C1orf50: variants seen among roughly 807,000 people sequenced by gnomAD.
C1orf50 encodes uncharacterized protein C1orf50.
A neutral mutation model predicts 23.3 loss-of-function variants in C1orf50; 22 were observed. That is an observed-to-expected ratio of 0.94 (90% confidence interval 0.67 to 1.35). The LOEUF (loss-of-function observed/expected upper bound fraction) is 1.35. C1orf50 is among the 40% of genes most tolerant of loss of function. The pLI is 0.00. For missense variants in C1orf50, 271 were observed against 249.4 expected, an observed-to-expected ratio of 1.09 and a Z score of -0.58; for synonymous variants, 96 against 102.4, an observed-to-expected ratio of 0.94 and a Z score of 0.38.
intron 2 of C1orf50, among the ~76,000 whole-genome samples, chr1:42,768,270 T>G (rs749527310): frequency 1.2e-4 from 19 of 152,346 alleles, no homozygotes; most frequent in Non-Finnish European, 2.4e-4. Flanking sequence ...ATCTGTGAAG[T>G]GAAAGGTTTG....
rs992530040 is a variant in C1orf50, at chr1:42,778,964, A to G, written c.*3570A>G. ...AGAGGGCCTGTATTTCACCAATTAC[A>G]AGGTGTACTTCCCCCCCCCCCCCCC... On this transcript the variant is annotated 3_prime_UTR_variant, in exon 5 of 5. Transcript: ENST00000372525. 4 of 120,338 alleles carry G rather than the reference A, an allele frequency of 3.3e-5. No individual in the cohort carries two copies. The highest frequency in any genetic ancestry group is 1.8e-4 in the Admixed American group (2 of 11,162). The allele number at this position is 120,338 out of a possible 1,614,324, so 7.5% of individuals were successfully genotyped here.
intron 2 of C1orf50, among the ~76,000 whole-genome samples, chr1:42,771,416 G>A (rs1557584670): frequency 6.6e-6 from 1 of 152,108 alleles, no homozygotes; most frequent in Non-Finnish European, 1.5e-5. Context: ...TTGAGTATGT[G>A]AATCAACTTT....
intron 2 of C1orf50, among the ~76,000 whole-genome samples, chr1:42,768,090 C>T (rs745762968): frequency 2.0e-5 from 3 of 152,090 alleles, no homozygotes; most frequent in African/African-American, 4.8e-5. Flanking sequence ...CACAGTATTC[C>T]CAAGCCCAGT....
In C1orf50 at chr1:42,773,665, TAGAC is replaced by T. The variant is rs756801214; in HGVS notation, c.282+19_282+22del. The T allele has an allele frequency of 9.0e-6, 14 of 1,551,812 alleles. No individual in the cohort carries two copies. In the East Asian group the frequency reaches 2.5e-4, roughly 27 times the overall value. On this transcript the variant is annotated intron_variant, in intron 3 of 4. Transcript: ENST00000372525. ...AGCCAGGAAGGTAAGGAATGACTGTTAGACAGGCTTTCATTTTCTTTATTTAGTT... is the reference window on the plus strand; with the variant it reads ...AGCCAGGAAGGTAAGGAATGACTGTTAGGCTTTCATTTTCTTTATTTAGTT...
At position 42,776,563 on chromosome 1, in the gene C1orf50, C is replaced by G. The variant is rs1248086723; in HGVS notation, c.*1169C>G. 2 of 152,468 alleles carry G rather than the reference C, an allele frequency of 1.3e-5. No individual in the cohort carries two copies. The highest frequency in any genetic ancestry group is 2.9e-5 in the Non-Finnish European group (2 of 68,244). 9.4% of individuals were successfully genotyped at this position (152,468 alleles called of 1,614,324 possible). A position where few individuals can be genotyped will look rare whatever the true frequency, so the allele number is the denominator to read the frequency against. Reference sequence around the variant, plus strand: ...TTGGTAATACCCTCCCCGGGCCGCCCCCCGATTCATGGTCTTTCCTCATAA... The same window carrying G: ...TTGGTAATACCCTCCCCGGGCCGCCGCCCGATTCATGGTCTTTCCTCATAA... On this transcript the variant is annotated 3_prime_UTR_variant, in exon 5 of 5. Coordinates refer to ENST00000372525, the MANE Select transcript of C1orf50 (RefSeq NM_024097.4).
Position 42,775,269 on chromosome 1 carries a change from T to C in C1orf50, c.475T>C (p.Ser159Pro), listed in dbSNP as rs1653311081. The C allele has an allele frequency of 1.2e-6, 2 of 1,612,626 alleles. No homozygotes were observed. The highest frequency in any genetic ancestry group is 1.7e-6 in the Non-Finnish European group (2 of 1,178,718). The part of the protein sequence containing the change: ...LGAYKLQHDL[S>P]WTPYEDIEKQ... ...TGCCTACAAACTACAGCATGACTTG[T>C]CCTGGACTCCGTATGAGGACATTGA... Residue 159 changes from serine to proline, a missense_variant, in exon 5 of 5, where the codon TCC becomes CCC. Transcript: ENST00000372525.
chr1:42,777,713 T>A lies in C1orf50; in HGVS notation c.*2319T>A, dbSNP rs186532688. ...CATCATTGAATCATTGAACAGATCC[T>A]AGAATCTATCTGCCACAGTGCTCAG... On this transcript the variant is annotated 3_prime_UTR_variant, in exon 5 of 5. Transcript: ENST00000372525. The A allele has an allele frequency of 6.6e-6, 1 of 152,290 alleles. No homozygotes were observed. Among genetic ancestry groups the A allele is most frequent in the Admixed American group, 6.5e-5 (1 of 15,302 alleles). The allele number at this position is 152,290 out of a possible 1,614,324, so 9.4% of individuals were successfully genotyped here. A position where few individuals can be genotyped will look rare whatever the true frequency, so the allele number is the denominator to read the frequency against.
chr1:42,771,315 G>A (rs1157834280), intron 2 of C1orf50, among the ~76,000 whole-genome samples: 3 of 152,056 alleles, frequency 2.0e-5, no homozygotes, highest in African/African-American at 2.4e-5. Flanking sequence ...CTGAGGAACC[G>A]AATTTTGTAT....
rs753191458 is a variant in C1orf50, at chr1:42,774,874, A to T, written c.414+6A>T. 1.2e-6 allele frequency: 2 copies of T among 1,603,948 alleles called. No homozygotes were observed. ...TTTCCATCATTTCTCCAAAGGTAAG[A>T]ACATACATTGTTTGCCCAAAAATCT... On this transcript the variant is annotated splice_donor_region_variant and intron_variant, in intron 4 of 4. Coordinates refer to ENST00000372525, the MANE Select transcript of C1orf50 (RefSeq NM_024097.4).
At chr1:42,772,710 G>A (rs1306828709) in intron 2 of C1orf50, among the ~76,000 whole-genome samples, 2 of 152,088 alleles carry the variant, frequency 1.3e-5, no homozygotes, top group African/African-American at 4.8e-5. Flanking sequence ...GACTCCAGGA[G>A]GCAGAAGTTG....
At position 42,775,500 on chromosome 1, in the gene C1orf50, T is replaced by C. The variant is rs888023280; in HGVS notation, c.*106T>C. ...GACATGTAGGTGACTCACAAACTTC[T>C]TGGAAAGAGACCCTGTGTGAATGTA... On this transcript the variant is annotated 3_prime_UTR_variant, in exon 5 of 5. Transcript: ENST00000372525. The C allele has an allele frequency of 1.0e-5, 10 of 977,546 alleles. No individual in the cohort carries two copies. In the African/African-American group the frequency reaches 1.5e-4, roughly 14 times the overall value. The allele number at this position is 977,546 out of a possible 1,614,324, so 60.6% of individuals were successfully genotyped here.
In C1orf50 at chr1:42,775,449, C is replaced by T; in HGVS notation, c.*55C>T. On this transcript the variant is annotated 3_prime_UTR_variant, in exon 5 of 5. Coordinates refer to ENST00000372525, the MANE Select transcript of C1orf50 (RefSeq NM_024097.4). ...GACCTGGCTGTCAACCTCCTTGTTGCCCCCACTGTTGCCTTGAGAATTGAA... is the reference window on the plus strand; with the variant it reads ...GACCTGGCTGTCAACCTCCTTGTTGTCCCCACTGTTGCCTTGAGAATTGAA... 1 of 1,470,362 alleles carries T rather than the reference C, an allele frequency of 6.8e-7. No homozygotes were observed. The highest frequency in any genetic ancestry group is 9.3e-7 in the Non-Finnish European group (1 of 1,080,806). The allele number at this position is 1,470,362 out of a possible 1,614,324, so 91.1% of individuals were successfully genotyped here.
chr1:42,768,139 G>A (rs907659039), intron 2 of C1orf50, among the ~76,000 whole-genome samples: 2 of 152,190 alleles, frequency 1.3e-5, no homozygotes, highest in African/African-American at 4.8e-5. Flanking sequence ...AAATAAGGAG[G>A]AAATGTGAAA....
Position 42,767,530 on chromosome 1 carries a change from C to G in C1orf50, c.101C>G (p.Pro34Arg). The G allele has an allele frequency of 3.1e-6, 5 of 1,589,122 alleles. No individual in the cohort carries two copies. Among genetic ancestry groups the G allele is most frequent in the Non-Finnish European group, 4.3e-6 (5 of 1,168,448 alleles). ...GCAGGAGCCCTGGTGGAGCTCACCC[C>G]GACCCCCGGCGGCCTGGCCCTGGTG... ...GQGGALVELT[P>R]TPGGLALVSP... Residue 34 changes from proline (P) to arginine (R), a missense_variant, in exon 2 of 5, where the codon CCG becomes CGG. Transcript: ENST00000372525.
At position 42,775,250 on chromosome 1, in the gene C1orf50, C is replaced by T; in HGVS notation, c.456C>T (p.Tyr152=). Residue 152 remains tyrosine (Y), a synonymous_variant, in exon 5 of 5, where the codon TAC becomes TAT. Coordinates refer to ENST00000372525, the MANE Select transcript of C1orf50 (RefSeq NM_024097.4). ...TSCPHDFLGA[Y]KLQHDLSWTP... ...GTCCACATGACTTCCTTGGTGCCTA[C>T]AAACTACAGCATGACTTGTCCTGGA... 2 of 1,606,010 alleles carry T rather than the reference C, an allele frequency of 1.2e-6. No homozygotes were observed. The highest frequency in any genetic ancestry group is 2.2e-5 in the East Asian group (1 of 44,632).
At position 42,774,808 on chromosome 1, in the gene C1orf50, C is replaced by T; in HGVS notation, c.354C>T (p.Asn118=). Reference sequence around the variant, plus strand: ...GTAATATAGTGAAAAAACCTGGCAACATTTACTATCTCTATAAACGGGAGA... The same window carrying T: ...GTAATATAGTGAAAAAACCTGGCAATATTTACTATCTCTATAAACGGGAGA... ...VACNIVKKPG[N]IYYLYKRESG... Residue 118 remains asparagine (N), a synonymous_variant, in exon 4 of 5, where the codon AAC becomes AAT. Coordinates refer to ENST00000372525, the MANE Select transcript of C1orf50 (RefSeq NM_024097.4). The T allele has an allele frequency of 6.2e-7, 1 of 1,613,760 alleles. No individual in the cohort carries two copies. The highest frequency in any genetic ancestry group is 8.5e-7 in the Non-Finnish European group (1 of 1,179,884).
rs766579837 is a variant in C1orf50 at position 42,773,607 on chromosome 1, CAT to C, written c.242_243del (p.Ile81SerfsTer2). 1.5e-4 allele frequency: 245 copies of C among 1,612,992 alleles called. No individual in the cohort carries two copies. Among genetic ancestry groups the C allele is most frequent in the Non-Finnish European group, 2.0e-4 (238 of 1,179,186 alleles). ...RANATNKLTV[I>X]AEQIQHLQEQ... ...CAAATGCCACCAACAAGCTGACAGT[CAT>C]AGCTGAGCAAATCCAACATTTGCAA... On this transcript the variant is annotated frameshift_variant, in exon 3 of 5. Transcript: ENST00000372525. LOFTEE classifies it high-confidence loss of function.
Position 42,767,569 on chromosome 1 carries a change from C to T in C1orf50, c.140C>T (p.Thr47Ile), listed in dbSNP as rs368676167. ...CTGGCCCTGGTGAGCCCCTACCACA[C>T]CCACCGGGCCGGGGACCCCTTAGAC... is the stretch of plus-strand genomic sequence containing the variant. ...GGLALVSPYH[T>I]HRAGDPLDLV... The change falls in exon 2 of 5, where the codon ACC becomes ATC. Residue 47 changes from threonine to isoleucine, a missense_variant. Thr to Ile is a moderately conservative substitution (Grantham distance 89). Transcript: ENST00000372525. 6.8e-6 allele frequency: 11 copies of T among 1,611,336 alleles called. No homozygotes were observed. In the South Asian group the frequency reaches 1.1e-4, roughly 16 times the overall value.
rs780927835 is a variant in C1orf50 at position 42,775,307 on chromosome 1, T to C, written c.513T>C (p.Ala171=). The C allele has an allele frequency of 5.0e-5, 80 of 1,613,438 alleles. No homozygotes were observed. The Middle Eastern group carries it at 2.3e-3, about 47-fold the overall frequency. ...ATGAGGACATTGAGAAGCAAGATGCTAAAATCAGCATGATGGACACGTTGC... is the reference window on the plus strand; with the variant it reads ...ATGAGGACATTGAGAAGCAAGATGCCAAAATCAGCATGATGGACACGTTGC... ...TPYEDIEKQD[A]KISMMDTLLS... Residue 171 remains alanine, a synonymous_variant, in exon 5 of 5, where the codon GCT becomes GCC. Transcript: ENST00000372525.
Sources: gnomAD v4.1 joint callset for allele counts (sites outside exome capture counted in the v4.1 genomes callset) on GRCh38, gnomAD v4.1.1 for gene constraint, MANE v1.5 for transcripts, NCBI Gene and HGNC (gene_info 2026-07-23, HGNC 2026-07-21) for gene names.